The following ZNF385D variants were observed in gnomAD, a reference collection of about 807,000 sequenced individuals.
The protein encoded by ZNF385D is zinc finger protein 659.
Under a neutral mutation model 35.8 loss-of-function variants are expected in ZNF385D, and 15 were observed. The ratio of observed to expected loss-of-function variants is 0.42; its 90% CI spans 0.28 to 0.64. ZNF385D has a LOEUF of 0.64. Among genes scored for constraint, ZNF385D ranks in the 30% least tolerant of loss-of-function variants. The pLI, the probability that ZNF385D is intolerant of heterozygous loss-of-function variation, is 0.23. For missense variants in ZNF385D, 474 were observed against 494.6 expected, an observed-to-expected ratio of 0.96 and a Z score of 0.39; for synonymous variants, 212 against 186.8, an observed-to-expected ratio of 1.13 and a Z score of -1.10.
At chr3:21,722,694 C>T (rs1302385132) in intron 1 of ZNF385D, among the ~76,000 whole-genome samples, 1 of 152,224 alleles carries the variant, frequency 6.6e-6, no homozygotes, top group Non-Finnish European at 1.5e-5. Flanking sequence ...GATCTAGATT[C>T]TTTTGCCAAC....
chr3:21,440,782 C>G (rs1701819720), intron 4 of ZNF385D, among the ~76,000 whole-genome samples: 1 of 152,110 alleles, frequency 6.6e-6, no homozygotes, highest in South Asian at 2.1e-4. Context: ...AACCAGTCAA[C>G]AAATGGTGCA....
chr3:21,977,467 C>T (rs1403559164), intron 3 of ZNF385D, among the ~76,000 whole-genome samples: 1 of 151,796 alleles, frequency 6.6e-6, no homozygotes, highest in African/African-American at 2.4e-5. Context: ...GAGAGAAGTT[C>T]AAAGATGAAA....
At chr3:22,063,385 G>A (rs936098683) in intron 3 of ZNF385D, among the ~76,000 whole-genome samples, 3 of 152,042 alleles carry the variant, frequency 2.0e-5, no homozygotes, top group Non-Finnish European at 2.9e-5. Flanking sequence ...ATTGAATAAA[G>A]CCTCAGAGTT....
At chr3:21,974,005 T>C (rs922690030) in intron 3 of ZNF385D, among the ~76,000 whole-genome samples, 1 of 152,004 alleles carries the variant, frequency 6.6e-6, no homozygotes, top group Non-Finnish European at 1.5e-5. Context: ...CTCAAAGCAA[T>C]CTATATATTC....
chr3:21,949,487 G>C (rs1437851174), intron 3 of ZNF385D, among the ~76,000 whole-genome samples: 1 of 150,374 alleles, frequency 6.7e-6, no homozygotes, highest in Admixed American at 6.6e-5. Flanking sequence ...GTCTAAACTA[G>C]ATGAGTGCTT....
intron 3 of ZNF385D, among the ~76,000 whole-genome samples, chr3:22,057,055 C>T (rs1231437980): frequency 6.6e-6 from 1 of 152,144 alleles, no homozygotes; most frequent in Non-Finnish European, 1.5e-5. Context: ...AACAGATAAA[C>T]AAAATATTGA....
At chr3:21,783,859 G>A (rs1276147702) in intron 3 of ZNF385D, among the ~76,000 whole-genome samples, 2 of 152,160 alleles carry the variant, frequency 1.3e-5, no homozygotes, top group African/African-American at 2.4e-5. Context: ...ACAATATAGC[G>A]AGGGAAAGTC....
Position 21,560,254 on chromosome 3 carries a change from T to C in ZNF385D, c.276+4320A>G, listed in dbSNP as rs370554723. On this transcript the variant is annotated intron_variant, in intron 3 of 7. Transcript: ENST00000281523. ...AGAAGAGGCGTTCTGGTTTTTGGAA[T>C]TTTCAGCCTTTTTGGGCTGGTTTCT... is the stretch of plus-strand genomic sequence containing the variant. 8.1e-4 allele frequency among the ~76,000 whole-genome samples: 123 copies of C among 152,330 alleles called. 2 individuals are homozygous for C. In the South Asian group the frequency reaches 0.019, roughly 24 times the overall value.
At chr3:21,827,712 G>A (rs143586499) in intron 3 of ZNF385D, among the ~76,000 whole-genome samples, 12 of 152,130 alleles carry the variant, frequency 7.9e-5, no homozygotes, top group Non-Finnish European at 1.6e-4. Flanking sequence ...GAAGGAAAAG[G>A]CATATTACAA....
intron 3 of ZNF385D, among the ~76,000 whole-genome samples, chr3:21,531,498 G>A (rs2061921115): frequency 6.6e-6 from 1 of 152,036 alleles, no homozygotes; most frequent in Non-Finnish European, 1.5e-5. Context: ...CCAAAAATGA[G>A]AAACAACCAA....
intron 3 of ZNF385D, among the ~76,000 whole-genome samples, chr3:21,827,288 T>A (rs13091889): frequency 0.13 from 19,116 of 152,210 alleles, 1,457 homozygotes; most frequent in East Asian, 0.22. Context: ...GTTTATTTTA[T>A]ATTAATGCAT....
rs2067512461 is a variant in ZNF385D at position 21,697,468 on chromosome 3, GGAGTA to G, written c.23-32445_23-32441del. ...TTAGTAAAACGAATAAAAGTGATGT[GGAGTA>G]AAGGGTACAGAATTGTACTGTCTAA... On this transcript the variant is annotated intron_variant, in intron 1 of 7. Transcript: ENST00000281523. Among the ~76,000 whole-genome samples the G allele has an allele frequency of 2.0e-5, 3 of 152,112 alleles. No individual in the cohort carries two copies. In the South Asian group the frequency reaches 6.2e-4, roughly 32 times the overall value.
Position 21,946,478 on chromosome 3 carries a change from A to G in ZNF385D, c.325+222339T>C, listed in dbSNP as rs144230197. The stretch of plus-strand genomic sequence containing the variant: ...AAGTTTTTCTTTGTTTCTCTAATAC[A>G]TATTTTTAAGTAGAATGTTCTTATG... On this transcript the variant is annotated intron_variant, in intron 3 of 5. Transcript: ENST00000494108. 1.9e-3 allele frequency among the ~76,000 whole-genome samples: 286 copies of G among 152,304 alleles called. 1 individual carries two copies. Among genetic ancestry groups the G allele is most frequent in the African/African-American group, 6.6e-3 (275 of 41,560 alleles).
At chr3:22,305,233 A>G (rs1364313302) in intron 2 of ZNF385D, among the ~76,000 whole-genome samples, 2 of 151,998 alleles carry the variant, frequency 1.3e-5, no homozygotes, top group Non-Finnish European at 2.9e-5. Flanking sequence ...TCTTTCTCCT[A>G]TTTATCTCCT....
chr3:21,796,484 G>A (rs1396391433), intron 3 of ZNF385D, among the ~76,000 whole-genome samples: 3 of 152,074 alleles, frequency 2.0e-5, no homozygotes, highest in African/African-American at 7.2e-5. Context: ...TTCAAAATTT[G>A]AGAATTATTT....
intron 3 of ZNF385D, among the ~76,000 whole-genome samples, chr3:22,029,528 G>T (rs1341577948): frequency 6.6e-6 from 1 of 152,196 alleles, no homozygotes; most frequent in African/African-American, 2.4e-5. Flanking sequence ...ATCAATACCA[G>T]CTATAACCAC....
chr3:22,173,740 T>G (rs1232803478), intron 2 of ZNF385D, among the ~76,000 whole-genome samples: 1 of 152,148 alleles, frequency 6.6e-6, no homozygotes, highest in Non-Finnish European at 1.5e-5. Context: ...TCTCCTATCT[T>G]CTTACTTGCC....
At chr3:22,056,041 G>A (rs1477512801) in intron 3 of ZNF385D, among the ~76,000 whole-genome samples, 1 of 3,766 alleles carries the variant, frequency 2.7e-4, no homozygotes, top group Non-Finnish European at 4.9e-4. Flanking sequence ...ACCAAACACC[G>A]CATATTCTCA....
intron 3 of ZNF385D, among the ~76,000 whole-genome samples, chr3:21,522,950 C>T (rs778844578): frequency 4.6e-5 from 7 of 152,012 alleles, no homozygotes; most frequent in Non-Finnish European, 1.0e-4. Flanking sequence ...ATTTAGTTGT[C>T]CTTGGTAGGA....
Sources: gnomAD v4.1 joint callset for allele counts (sites outside exome capture counted in the v4.1 genomes callset) on GRCh38, gnomAD v4.1.1 for gene constraint, MANE v1.5 for transcripts, NCBI Gene and HGNC (gene_info 2026-07-23, HGNC 2026-07-21) for gene names.